CCDC33: variants seen among roughly 807,000 people sequenced by gnomAD.
The protein encoded by CCDC33 is coiled-coil domain-containing protein 33.
CCDC33 carries 94 observed loss-of-function variants against 91.9 expected under a neutral mutation model. The observed-to-expected ratio is 1.02, with a 90% CI of 0.87 to 1.21. The LOEUF (loss-of-function observed/expected upper bound fraction) is 1.21. CCDC33 is among the 50% of genes most tolerant of loss of function. The pLI, the probability that CCDC33 is intolerant of heterozygous loss-of-function variation, is 0.00. For synonymous variants in CCDC33, 396 were observed against 374.5 expected, an observed-to-expected ratio of 1.06 and a Z score of -0.66; for missense variants, 940 against 935.5, an observed-to-expected ratio of 1.00 and a Z score of -0.06.
At chr15:74,263,901 G>A (rs1434473628) in intron 3 of CCDC33, among the ~76,000 whole-genome samples, 2 of 152,138 alleles carry the variant, frequency 1.3e-5, no homozygotes, top group Non-Finnish European at 2.9e-5. Context: ...GTGTGGCTCT[G>A]TGTGTATGCA....
At chr15:74,248,956 C>G (rs1024181643) in intron 2 of CCDC33, among the ~76,000 whole-genome samples, 5 of 152,138 alleles carry the variant, frequency 3.3e-5, no homozygotes, top group African/African-American at 1.2e-4. Context: ...ATACAGTGGT[C>G]CATTGCCAAG....
At chr15:74,207,025 A>C (rs2074275236) in intron 1 of CCDC33, among the ~76,000 whole-genome samples, 1 of 152,236 alleles carries the variant, frequency 6.6e-6, no homozygotes, top group Non-Finnish European at 1.5e-5. Context: ...TGGGCTTGGC[A>C]CAGAGCTGCT....
intron 10 of CCDC33, among the ~76,000 whole-genome samples, chr15:74,291,062 C>T (rs1484213): frequency 0.64 from 96,933 of 150,812 alleles, 34,614 homozygotes; most frequent in Non-Finnish European, 0.82. Flanking sequence ...AACCCTCTAA[C>T]ACCACTTCTG....
intron 1 of CCDC33, among the ~76,000 whole-genome samples, chr15:74,238,157 T>G (rs2075236268): frequency 6.6e-6 from 1 of 151,470 alleles, no homozygotes; most frequent in Non-Finnish European, 1.5e-5. Context: ...CCAGGCCTGG[T>G]GTCTCACTCC....
intron 1 of CCDC33, among the ~76,000 whole-genome samples, chr15:74,241,326 T>C (rs749760916): frequency 1.3e-5 from 2 of 152,166 alleles, no homozygotes; most frequent in Non-Finnish European, 2.9e-5. Flanking sequence ...GACCACAGCC[T>C]GCACCAGGCA....
chr15:74,296,518 C>T lies in CCDC33; in HGVS notation c.1290+570C>T, dbSNP rs568728325. On this transcript the variant is annotated intron_variant, in intron 11 of 18. Coordinates refer to ENST00000398814, the MANE Select transcript of CCDC33 (RefSeq NM_025055.5). ...GTGCATGGCTGTAATTCCAGCTACT[C>T]GGGAGGCTGAGGCGGGAGAATCACT... Among the ~76,000 whole-genome samples the T allele has an allele frequency of 8.5e-5, 13 of 152,206 alleles. No homozygotes were observed. The South Asian group carries it at 1.5e-3, about 17-fold the overall frequency.
intron 1 of CCDC33, among the ~76,000 whole-genome samples, chr15:74,206,757 G>A (rs2074270052): frequency 6.6e-6 from 1 of 152,242 alleles, no homozygotes; most frequent in Admixed American, 6.5e-5. Context: ...GAATTGACAC[G>A]TGTCTCAGGA....
At chr15:74,227,643 A>C (rs527442045) in intron 2 of CCDC33, among the ~76,000 whole-genome samples, 1 of 152,210 alleles carries the variant, frequency 6.6e-6, no homozygotes, top group Non-Finnish European at 1.5e-5. Context: ...AAAGTGTTGC[A>C]TAAGTAGCCC....
intron 16 of CCDC33, among the ~76,000 whole-genome samples, chr15:74,333,527 C>T (rs1190143924): frequency 6.6e-6 from 1 of 152,184 alleles, no homozygotes; most frequent in African/African-American, 2.4e-5. Context: ...TCATGGACAT[C>T]CAGGTAAAGT....
chr15:74,313,509 C>T (rs2060032749), intron 11 of CCDC33, among the ~76,000 whole-genome samples: 1 of 150,030 alleles, frequency 6.7e-6, no homozygotes, highest in African/African-American at 2.4e-5. Context: ...ACCTCCGCCT[C>T]CCCGGGTTCA....
chr15:74,330,209 G>A lies in CCDC33; in HGVS notation c.1311G>A (p.Arg437=). 6.2e-7 allele frequency: 1 copy of A among 1,608,932 alleles called. No individual in the cohort carries two copies. ...SHDTEMNNYR[R]AMQKMAEDIL... ...CACAGGAGATGAACAACTACCGGCG[G>A]GCCATGCAGAAGATGGCAGAGGACA... Residue 437 remains arginine, a synonymous_variant, in exon 12 of 19, where the codon CGG becomes CGA. Transcript: ENST00000398814.
In CCDC33 at chr15:74,333,949, C is replaced by T. The variant is rs762211699; in HGVS notation, c.2007C>T (p.Ile669=). ...LAKLEHAQSR[I]LSLESQLEDS... ...AGCTGGAACACGCTCAGAGCCGGATCCTGTCCCTGGAAAGCCAGGTGGGTG... is the reference window on the plus strand; with the variant it reads ...AGCTGGAACACGCTCAGAGCCGGATTCTGTCCCTGGAAAGCCAGGTGGGTG... Residue 669 remains isoleucine, a synonymous_variant, in exon 17 of 19, where the codon ATC becomes ATT. Coordinates refer to ENST00000398814, the MANE Select transcript of CCDC33 (RefSeq NM_025055.5). The T allele has an allele frequency of 1.2e-6, 2 of 1,613,426 alleles. No individual in the cohort carries two copies. Among genetic ancestry groups the T allele is most frequent in the African/African-American group, 2.7e-5 (2 of 74,926 alleles).
Position 74,331,311 on chromosome 15 carries a change from T to C in CCDC33, c.1771+15T>C. 1 of 1,611,340 alleles carries C rather than the reference T, an allele frequency of 6.2e-7. No individual in the cohort carries two copies. The highest frequency in any genetic ancestry group is 8.5e-7 in the Non-Finnish European group (1 of 1,177,950). ...GCCCTACACGGGTGGGTCCACACCC[T>C]GATGTGATCAGCTCCCCAGCTTCTG... On this transcript the variant is annotated intron_variant, in intron 15 of 18. Coordinates refer to ENST00000398814, the MANE Select transcript of CCDC33 (RefSeq NM_025055.5).
At position 74,295,858 on chromosome 15, in the gene CCDC33, G is replaced by C; in HGVS notation, c.1200G>C (p.Lys400Asn). 6.2e-7 allele frequency: 1 copy of C among 1,614,210 alleles called. No individual in the cohort carries two copies. The highest frequency in any genetic ancestry group is 1.1e-5 in the South Asian group (1 of 91,082). Residue 400 changes from lysine to asparagine, a missense_variant, in exon 11 of 19, where the codon AAG becomes AAC. Transcript: ENST00000398814. ...GAACCATCCAAGAGTCCTGGTCCAA[G>C]GACACAGTGAGCTCCACAATGGACT... is the stretch of plus-strand genomic sequence containing the variant. ...KLRTIQESWSKDTVSSTMDLS... is the reference protein window; with the variant it reads ...KLRTIQESWSNDTVSSTMDLS...
chr15:74,313,709 G>A (rs978473816), intron 11 of CCDC33, among the ~76,000 whole-genome samples: 1 of 152,112 alleles, frequency 6.6e-6, no homozygotes, highest in Non-Finnish European at 1.5e-5. Context: ...TGCTGAGCTG[G>A]CCCTGCCACA....
chr15:74,226,641 A>T (rs1259749832), intron 2 of CCDC33, among the ~76,000 whole-genome samples: 1 of 152,158 alleles, frequency 6.6e-6, no homozygotes, highest in African/African-American at 2.4e-5. Flanking sequence ...AGCCTGACCA[A>T]CATGGTGAAA....
intron 1 of CCDC33, among the ~76,000 whole-genome samples, chr15:74,205,511 A>G (rs1051680192): frequency 6.6e-6 from 1 of 152,208 alleles, no homozygotes; most frequent in Admixed American, 6.5e-5. Context: ...TACCACAGGG[A>G]GGGCACCAAG....
At chr15:74,241,104 C>T (rs12905234) in intron 1 of CCDC33, among the ~76,000 whole-genome samples, 77,156 of 151,814 alleles carry the variant, frequency 0.51, 21,014 homozygotes, top group Non-Finnish European at 0.63. Flanking sequence ...CCCCTCCCCT[C>T]ATTCTCCCCT....
At chr15:74,324,115 G>A (rs1257962940) in intron 11 of CCDC33, among the ~76,000 whole-genome samples, 1 of 143,692 alleles carries the variant, frequency 7.0e-6, no homozygotes, top group Non-Finnish European at 1.5e-5. Flanking sequence ...AAAAAAAAGT[G>A]TGAGCCACTG....
Sources: gnomAD v4.1 joint callset for allele counts (sites outside exome capture counted in the v4.1 genomes callset) on GRCh38, gnomAD v4.1.1 for gene constraint, MANE v1.5 for transcripts, NCBI Gene and HGNC (gene_info 2026-07-23, HGNC 2026-07-21) for gene names.